GEMIN4: variants seen among roughly 807,000 people sequenced by gnomAD.
The protein encoded by GEMIN4 is gem nuclear organelle associated protein 4, also known as gem-associated protein 4.
GEMIN4 carries 59 observed loss-of-function variants against 76.8 expected under a neutral mutation model. The observed-to-expected ratio is 0.77, with a 90% confidence interval of 0.62 to 0.95. The LOEUF is 0.95. Ranked by LOEUF, GEMIN4 falls within the 40% of genes least tolerant of loss-of-function variation. The pLI, the probability that GEMIN4 is intolerant of heterozygous loss-of-function variation, is 0.00. For missense variants in GEMIN4, 1,311 were observed against 1,318.9 expected (o/e 0.99, Z 0.09); for synonymous variants, 562 against 559.7 (o/e 1.00, Z -0.06).
At chr17:749,574 C>G (rs1409190764) in intron 1 of GEMIN4, among the ~76,000 whole-genome samples, 1 of 149,002 alleles carries the variant, frequency 6.7e-6, no homozygotes, top group Non-Finnish European at 1.5e-5. Flanking sequence ...GGCACAGCAG[C>G]AATCACACGG....
rs191778127 is a variant in GEMIN4, at chr17:745,424, G to T, written c.2619C>A (p.His873Gln). Residue 873 changes from histidine to glutamine, a missense_variant, in exon 2 of 2, where the codon CAC (histidine) becomes CAA (glutamine). This residue lies in a region of GEMIN4 where 1,208 missense variants were observed against 1,166.9 expected (regional missense o/e 1.04). Coordinates refer to ENST00000319004, the MANE Select transcript of GEMIN4 (RefSeq NM_015721.3). The surrounding 1 kb of genome is among the most constrained non-coding windows in gnomAD (Gnocchi z 4.6). ...WCSPQEWQRLHQLTRRLLEKQ... is the reference protein window; with the variant it reads ...WCSPQEWQRLQQLTRRLLEKQ... ...TCTCCAGCAGTCTCCTGGTCAGCTG[G>T]TGAAGGCGCTGCCACTCCTGAGGGC... 0.026 allele frequency: 42,328 copies of T among 1,612,822 alleles called. 670 individuals are homozygous for T. Among genetic ancestry groups the T allele is most frequent in the Non-Finnish European group, 0.031 (36,700 of 1,179,816 alleles).
Position 744,946 on chromosome 17 carries a change from G to A in GEMIN4, c.3097C>T (p.Arg1033Cys), listed in dbSNP as rs7813. ...SSLLQRAHEQ[R>C]FLKSIAEGIG... ...CCCTCAGCAATGGACTTTAAGAAGC[G>A]CTGCTCGTGTGCCCTCTGGAGCAAG... is the stretch of plus-strand genomic sequence containing the variant. The change falls in exon 2 of 2, where the codon CGC (arginine) becomes TGC (cysteine). Residue 1033 changes from arginine (R) to cysteine (C), a missense_variant. Physicochemically the swap from Arg to Cys is radical, Grantham distance 180. Transcript: ENST00000319004. 948,423 of 1,613,538 alleles carry A rather than the reference G, an allele frequency of 0.59. 283,455 individuals are homozygous for A. Among genetic ancestry groups the A allele is most frequent in the African/African-American group, 0.84 (62,679 of 75,006 alleles).
Position 746,626 on chromosome 17 carries a change from C to T in GEMIN4, c.1417G>A (p.Glu473Lys). 4 of 1,613,650 alleles carry T rather than the reference C, an allele frequency of 2.5e-6. No homozygotes were observed. The highest frequency in any genetic ancestry group is 3.4e-6 in the Non-Finnish European group (4 of 1,179,896). Residue 473 changes from glutamate to lysine, a missense_variant, in exon 2 of 2, where the codon GAG (glutamate) becomes AAG (lysine). By Grantham distance (56) the Glu-to-Lys change is moderately conservative (BLOSUM62 1). This residue lies in a region of GEMIN4 where 1,208 missense variants were observed against 1,166.9 expected (regional missense o/e 1.04). Transcript: ENST00000319004. The surrounding 1 kb of genome is among the most constrained non-coding windows in gnomAD (Gnocchi z 4.3). ...DVSTADRAIP[E>K]SQIRQVIHLI... Reference sequence around the variant, plus strand: ...TGGATCACCTGCCGGATCTGAGACTCAGGGATGGCTCTGTCAGCTGTGCTG... The same window carrying T: ...TGGATCACCTGCCGGATCTGAGACTTAGGGATGGCTCTGTCAGCTGTGCTG...
chr17:746,643 G>C lies in GEMIN4; in HGVS notation c.1400C>G (p.Ala467Gly). Reference protein sequence around the residue: ...LLETVIDVSTADRAIPESQIR... With the variant: ...LLETVIDVSTGDRAIPESQIR... ...CTGAGACTCAGGGATGGCTCTGTCA[G>C]CTGTGCTGACGTCTATCACTGTTTC... Residue 467 changes from alanine (A) to glycine (G), a missense_variant, in exon 2 of 2, where the codon GCT (alanine) becomes GGT (glycine). Transcript: ENST00000319004. This position sits in a 1 kb window ranked among gnomAD's most constrained non-coding sequence, Gnocchi z 4.3. 5 of 1,613,582 alleles carry C rather than the reference G, an allele frequency of 3.1e-6. No homozygotes were observed. Among genetic ancestry groups the C allele is most frequent in the Non-Finnish European group, 4.2e-6 (5 of 1,179,882 alleles).
At position 745,297 on chromosome 17, in the gene GEMIN4, G is replaced by A. The variant is rs780706982; in HGVS notation, c.2746C>T (p.Leu916=). The change falls in exon 2 of 2, where the codon CTG becomes TTG. Residue 916 remains leucine, a synonymous_variant. Coordinates refer to ENST00000319004, the MANE Select transcript of GEMIN4 (RefSeq NM_015721.3). The surrounding 1 kb of genome is among the most constrained non-coding windows in gnomAD (Gnocchi z 4.6). ...AQELQLSVLF[L]RTFQFLCSHS... is the part of the protein sequence containing the mutation. Reference sequence around the variant, plus strand: ...CTGCAGAGAAACTGGAAAGTCCTCAGGAAGAGGACGGAGAGTTGCAACTCC... The same window carrying A: ...CTGCAGAGAAACTGGAAAGTCCTCAAGAAGAGGACGGAGAGTTGCAACTCC... 3.7e-6 allele frequency: 6 copies of A among 1,611,854 alleles called. No individual in the cohort carries two copies. In the African/African-American group the frequency reaches 6.7e-5, roughly 18 times the overall value.
In GEMIN4 at chr17:746,428, C is replaced by T. The variant is rs1466737904; in HGVS notation, c.1615G>A (p.Glu539Lys). ...TFNQLTQSAS[E>K]QGLAKAVASV... The stretch of plus-strand genomic sequence containing the variant: ...GCCACAGCTTTTGCCAAGCCCTGTT[C>T]GGAGGCACTCTGAGTGAGCTGGTTA... The change falls in exon 2 of 2, where the codon GAA (glutamate) becomes AAA (lysine). Residue 539 changes from glutamate to lysine, a missense_variant. Coordinates refer to ENST00000319004, the MANE Select transcript of GEMIN4 (RefSeq NM_015721.3). This position sits in a 1 kb window ranked among gnomAD's most constrained non-coding sequence, Gnocchi z 4.3. The T allele has an allele frequency of 3.7e-6, 6 of 1,613,966 alleles. No homozygotes were observed. Among genetic ancestry groups the T allele is most frequent in the East Asian group, 2.2e-5 (1 of 44,890 alleles).
Position 746,038 on chromosome 17 carries a change from G to A in GEMIN4, c.2005C>T (p.Leu669Phe), listed in dbSNP as rs753601096. 4.3e-6 allele frequency: 7 copies of A among 1,613,718 alleles called. No individual in the cohort carries two copies. The highest frequency in any genetic ancestry group is 2.7e-5 in the African/African-American group (2 of 74,904). ...FLRLDVEEVD[L>F]SLRIFIQTLE... The stretch of plus-strand genomic sequence containing the variant: ...GTCTGGATGAAGATCCTCAGACTGA[G>A]GTCTACCTCTTCAACATCTAACCTC... The change falls in exon 2 of 2, where the codon CTC (leucine) becomes TTC (phenylalanine). Residue 669 changes from leucine to phenylalanine, a missense_variant. Around this residue, in one of 2 missense-constraint regions of GEMIN4, gnomAD observed 1,208 missense variants for 1,166.9 expected, o/e 1.04. Coordinates refer to ENST00000319004, the MANE Select transcript of GEMIN4 (RefSeq NM_015721.3). This position sits in a 1 kb window ranked among gnomAD's most constrained non-coding sequence, Gnocchi z 4.3.
intron 1 of GEMIN4, among the ~76,000 whole-genome samples, chr17:750,293 G>C (rs191677694): frequency 1.1e-4 from 16 of 152,156 alleles, no homozygotes; most frequent in African/African-American, 2.9e-4. Flanking sequence ...TGCCTTTGGG[G>C]ATCATGTGAT....
At position 745,880 on chromosome 17, in the gene GEMIN4, G is replaced by T; in HGVS notation, c.2163C>A (p.Leu721=). The change falls in exon 2 of 2, where the codon CTC becomes CTA. Residue 721 remains leucine, a synonymous_variant. Transcript: ENST00000319004. This position sits in a 1 kb window ranked among gnomAD's most constrained non-coding sequence, Gnocchi z 4.6. The stretch of plus-strand genomic sequence containing the variant: ...TCGCTAGATCCTTCCTATCCAAAGA[G>T]AGGCACCGCTTCTCCTTGGGAAGCT... ...YWQLPKEKRC[L]SLDRKDLAIH... 1 of 1,612,934 alleles carries T rather than the reference G, an allele frequency of 6.2e-7. No individual in the cohort carries two copies.
In GEMIN4 at chr17:748,032, C is replaced by T. The variant is rs1904368869; in HGVS notation, c.11G>A (p.Gly4Glu). The T allele has an allele frequency of 6.3e-7, 1 of 1,594,912 alleles. No homozygotes were observed. The highest frequency in any genetic ancestry group is 1.8e-5 in the Admixed American group (1 of 57,114). Residue 4 changes from glycine (G) to glutamate (E), a missense_variant and splice_region_variant, in exon 2 of 2, where the codon GGA becomes GAA. Gly to Glu is a moderately conservative substitution (Grantham distance 98). This residue lies in a region of GEMIN4 where 103 missense variants were observed against 152.0 expected (regional missense o/e 0.68). Coordinates refer to ENST00000319004, the MANE Select transcript of GEMIN4 (RefSeq NM_015721.3). MDL[G>E]PLNICEEMTI... ...CATTTCTTCACAGATGTTCAAGGGTCCTGCACACAGACAAGCCAAATAAGA... is the reference window on the plus strand; with the variant it reads ...CATTTCTTCACAGATGTTCAAGGGTTCTGCACACAGACAAGCCAAATAAGA...
Position 746,606 on chromosome 17 carries a change from C to G in GEMIN4, c.1437G>C (p.Val479=), listed in dbSNP as rs1177962924. 9 of 1,613,636 alleles carry G rather than the reference C, an allele frequency of 5.6e-6. No homozygotes were observed. Among genetic ancestry groups the G allele is most frequent in the African/African-American group, 1.3e-5 (1 of 75,050 alleles). ...RAIPESQIRQ[V]IHLILECYAD... is the part of the protein sequence containing the mutation. ...CGTAACATTCCAGGATCAGGTGGATCACCTGCCGGATCTGAGACTCAGGGA... is the reference window on the plus strand; with the variant it reads ...CGTAACATTCCAGGATCAGGTGGATGACCTGCCGGATCTGAGACTCAGGGA... Residue 479 remains valine (V), a synonymous_variant, in exon 2 of 2, where the codon GTG becomes GTC. Transcript: ENST00000319004. The surrounding 1 kb of genome is among the most constrained non-coding windows in gnomAD (Gnocchi z 4.3).
In GEMIN4 at chr17:747,060, C is replaced by T; in HGVS notation, c.983G>A (p.Gly328Glu). 6.2e-7 allele frequency: 1 copy of T among 1,613,574 alleles called. No homozygotes were observed. The highest frequency in any genetic ancestry group is 8.5e-7 in the Non-Finnish European group (1 of 1,179,850). The change falls in exon 2 of 2, where the codon GGG becomes GAG. Residue 328 changes from glycine to glutamate, a missense_variant. Transcript: ENST00000319004. ...GCGGAGCACGGCCTGCAACTCCTCC[C>T]CCCACTCCCGCAGCAGGTGGTGCAG... ...EFLHHLLREW[G>E]EELQAVLRSS...
rs751977516 is a variant in GEMIN4 at position 745,556 on chromosome 17, C to T, written c.2487G>A (p.Ser829=). 18 of 1,612,522 alleles carry T rather than the reference C, an allele frequency of 1.1e-5. No homozygotes were observed. The highest frequency in any genetic ancestry group is 5.3e-5 in the African/African-American group (4 of 74,856). The stretch of plus-strand genomic sequence containing the variant: ...CCACCAAGAGAGACAGCATCCTCTC[C>T]GAGATGCCGCTGGAGACGCAGCAGC... ...MECCCVSSGI[S]ERMLSLLVVD... Residue 829 remains serine, a synonymous_variant, in exon 2 of 2, where the codon TCG becomes TCA. Transcript: ENST00000319004. The surrounding 1 kb of genome is among the most constrained non-coding windows in gnomAD (Gnocchi z 4.6).
upstream of GEMIN4, among the ~76,000 whole-genome samples, chr17:752,450 G>A (rs1046249128): frequency 3.9e-5 from 6 of 152,072 alleles, no homozygotes; most frequent in Non-Finnish European, 5.9e-5. Flanking sequence ...GGTCCCAGCG[G>A]GTCGGGCTCA....
At chr17:752,946 AG>A (rs1354090723), upstream of GEMIN4, 1 of 154,506 alleles carries the variant, frequency 6.5e-6, no homozygotes, top group African/African-American at 2.4e-5. Context: ...GTGAGCGATC[AG>A]GAGAAGCTGC....
In GEMIN4 at chr17:748,044, C is replaced by G. The variant is rs1476297518; in HGVS notation, c.11-12G>C. 1.3e-6 allele frequency: 2 copies of G among 1,582,590 alleles called. No homozygotes were observed. Among genetic ancestry groups the G allele is most frequent in the Non-Finnish European group, 8.6e-7 (1 of 1,164,338 alleles). On this transcript the variant is annotated splice_polypyrimidine_tract_variant and intron_variant, in intron 1 of 1. Coordinates refer to ENST00000319004, the MANE Select transcript of GEMIN4 (RefSeq NM_015721.3). Reference sequence around the variant, plus strand: ...GATGTTCAAGGGTCCTGCACACAGACAAGCCAAATAAGACAGTATAGTGAA... The same window carrying G: ...GATGTTCAAGGGTCCTGCACACAGAGAAGCCAAATAAGACAGTATAGTGAA...
chr17:749,738 G>T (rs67231816), intron 1 of GEMIN4: 1 of 827,792 alleles, frequency 1.2e-6, no homozygotes, highest in Non-Finnish European at 1.5e-6. Flanking sequence ...AATGGGCACA[G>T]AGCAATCACA....
In GEMIN4 at chr17:747,417, G is replaced by A. The variant is rs201544259; in HGVS notation, c.626C>T (p.Ala209Val). The stretch of plus-strand genomic sequence containing the variant: ...GGCCAACAGGGGCATGGTGGGGCAC[G>A]CGTCTGGGTCTGACCTAAGCCTCTT... ...PPKRLRSDPD[A>V]CPTMPLLAML... Residue 209 changes from alanine (A) to valine (V), a missense_variant, in exon 2 of 2, where the codon GCG becomes GTG. Around this residue, in one of 2 missense-constraint regions of GEMIN4, gnomAD observed 1,208 missense variants for 1,166.9 expected, o/e 1.04. Transcript: ENST00000319004. The A allele has an allele frequency of 2.4e-5, 38 of 1,613,730 alleles. No homozygotes were observed. The East Asian group carries it at 3.6e-4, about 15-fold the overall frequency.
intron 1 of GEMIN4, among the ~76,000 whole-genome samples, chr17:750,378 G>A (rs1000490385): frequency 6.6e-6 from 1 of 152,130 alleles, no homozygotes; most frequent in African/African-American, 2.4e-5. Flanking sequence ...CGCTATGATG[G>A]ATAAATGAGA....
Sources: allele counts gnomAD v4.1 joint callset (sites outside exome capture counted in the v4.1 genomes callset), GRCh38; gene constraint gnomAD v4.1.1; regional missense constraint gnomAD v4.1.1; non-coding constraint Gnocchi (gnomAD v3.1); transcripts MANE v1.5; gene names NCBI Gene and HGNC (gene_info 2026-07-23, HGNC 2026-07-21).